The following DPP6 variants were observed in gnomAD, a reference collection of about 807,000 sequenced individuals.
DPP6 encodes the protein A-type potassium channel modulatory protein DPP6.
A neutral mutation model predicts 122.6 loss-of-function variants in DPP6; 69 were observed. The observed-to-expected ratio is 0.56, with a 90% CI of 0.46 to 0.69. The LOEUF (loss-of-function observed/expected upper bound fraction) is 0.69, where lower values mean the gene tolerates loss of function less well. Ranked by LOEUF, DPP6 falls within the 30% of genes least tolerant of loss-of-function variation. The pLI, the probability that DPP6 is intolerant of heterozygous loss-of-function variation, is 0.00. For missense variants in DPP6, 928 were observed against 1,116.9 expected (o/e 0.83, Z 2.41); for synonymous variants, 418 against 433.1 (o/e 0.97, Z 0.43).
chr7:153,903,086 T>G (rs775453143), intron 1 of DPP6, among the ~76,000 whole-genome samples: 12 of 152,154 alleles, frequency 7.9e-5, no homozygotes, highest in Non-Finnish European at 1.6e-4. Flanking sequence ...GTTGACACAA[T>G]TTAGCCAAAA....
intron 1 of DPP6, among the ~76,000 whole-genome samples, chr7:153,888,289 C>T (rs1799029673): frequency 1.3e-5 from 2 of 152,240 alleles, no homozygotes; most frequent in Non-Finnish European, 2.9e-5. Context: ...GGGACGCTGA[C>T]TCCCCCAAAA....
intron 1 of DPP6, among the ~76,000 whole-genome samples, chr7:154,115,552 A>G (rs2150593862): frequency 6.6e-6 from 1 of 152,246 alleles, no homozygotes; most frequent in East Asian, 1.9e-4. Flanking sequence ...CTGCATCTTG[A>G]TTGTCCATGG....
chr7:154,655,846 G>A (rs1187858696), intron 6 of DPP6, among the ~76,000 whole-genome samples: 1 of 152,160 alleles, frequency 6.6e-6, no homozygotes, highest in Non-Finnish European at 1.5e-5. Context: ...TCTCCACTTT[G>A]TCCCTTCAGG....
At chr7:154,678,232 C>G (rs866783087) in intron 7 of DPP6, among the ~76,000 whole-genome samples, 9 of 152,200 alleles carry the variant, frequency 5.9e-5, no homozygotes, top group Non-Finnish European at 8.8e-5. Flanking sequence ...GCCACCGCCG[C>G]CCAACAGCTG....
Position 154,282,478 on chromosome 7 carries a change from G to A in DPP6, c.244-163736G>A, listed in dbSNP as rs542031115. ...TTTAGGACCTCCTTTTGTTCCCTAC[G>A]CCCCTTGGGAGAGTGTGGCACACTG... On this transcript the variant is annotated intron_variant, in intron 1 of 25. Coordinates refer to ENST00000377770, the MANE Select transcript of DPP6 (RefSeq NM_130797.4). The surrounding 1 kb of genome is among the most constrained non-coding windows in gnomAD (Gnocchi z 4.8). 3.5e-4 allele frequency among the ~76,000 whole-genome samples: 54 copies of A among 152,268 alleles called. No homozygotes were observed. Among genetic ancestry groups the A allele is most frequent in the Non-Finnish European group, 7.1e-4 (48 of 68,014 alleles).
At chr7:154,553,902 CAAAAAAAAAAAA>C (rs56020996) in intron 4 of DPP6, among the ~76,000 whole-genome samples, 1 of 103,146 alleles carries the variant, frequency 9.7e-6, no homozygotes, top group Non-Finnish European at 2.0e-5. Flanking sequence ...AGCCTAATGC[CAAAAAAAAAAAA>C]AAAAAAAAAA....
chr7:153,912,305 C>T (rs73163447), intron 1 of DPP6, among the ~76,000 whole-genome samples: 13,576 of 152,152 alleles, frequency 0.089, 757 homozygotes, highest in Middle Eastern at 0.15. Context: ...CTGGAACCGT[C>T]GCAAAGGATG....
intron 10 of DPP6, among the ~76,000 whole-genome samples, chr7:154,791,835 A>C (rs1028141021): frequency 2.6e-5 from 4 of 152,340 alleles, no homozygotes; most frequent in African/African-American, 9.6e-5. Context: ...ATCCAGTGGC[A>C]CTCAGCCTAG....
rs1032382419 is a variant in DPP6, at chr7:154,825,532, C to T, written c.1666+18420C>T. 5.9e-5 allele frequency among the ~76,000 whole-genome samples: 9 copies of T among 152,170 alleles called. 1 individual carries two copies. The highest frequency in any genetic ancestry group is 2.0e-4 in the Admixed American group (3 of 15,276). On this transcript the variant is annotated intron_variant, in intron 16 of 25. Coordinates refer to ENST00000377770, the MANE Select transcript of DPP6 (RefSeq NM_130797.4). ...TTTGGCACCTCAGTGCCTTCGTCAC[C>T]GACGTGAGCATCTGTCCATGTGAGG... is the stretch of plus-strand genomic sequence containing the variant.
At chr7:154,772,364 A>C (rs955962838) in intron 9 of DPP6, among the ~76,000 whole-genome samples, 1 of 152,006 alleles carries the variant, frequency 6.6e-6, no homozygotes, top group Non-Finnish European at 1.5e-5. Context: ...CTCTCCCCAG[A>C]CCCATACTTG....
chr7:154,479,875 T>TCA (rs1433017470), intron 3 of DPP6, among the ~76,000 whole-genome samples: 6 of 152,016 alleles, frequency 3.9e-5, no homozygotes, highest in African/African-American at 1.4e-4. Flanking sequence ...ATTGCAAATC[T>TCA]CACCTTCTCT....
the DPP6 span, among the ~76,000 whole-genome samples, chr7:153,880,974 C>A: frequency 6.6e-6 from 1 of 152,062 alleles, no homozygotes; most frequent in African/African-American, 2.4e-5. Context: ...TTTATGTATA[C>A]CCTTGGAATT....
At chr7:153,836,367 G>T in the DPP6 span, among the ~76,000 whole-genome samples, 3 of 152,286 alleles carry the variant, frequency 2.0e-5, no homozygotes, top group East Asian at 5.8e-4. Flanking sequence ...GGGGGAAGAA[G>T]AGTGCATCCC....
chr7:154,654,585 A>AT (rs1837122820), intron 6 of DPP6, among the ~76,000 whole-genome samples: 1 of 151,426 alleles, frequency 6.6e-6, no homozygotes, highest in African/African-American at 2.4e-5. Context: ...CACCCAGCTA[A>AT]TTTTTTTATT....
At chr7:154,734,503 A>G (rs554409890) in intron 8 of DPP6, among the ~76,000 whole-genome samples, 1 of 152,242 alleles carries the variant, frequency 6.6e-6, no homozygotes, top group East Asian at 1.9e-4. Context: ...TGTTTTTTAA[A>G]TAAGTTATGG....
Position 154,223,980 on chromosome 7 carries a change from G to C in DPP6, c.243+170917G>C, listed in dbSNP as rs1800450301. 2.0e-5 allele frequency among the ~76,000 whole-genome samples: 3 copies of C among 147,508 alleles called. 1 individual carries two copies. The highest frequency in any genetic ancestry group is 7.8e-5 in the African/African-American group (3 of 38,602). On this transcript the variant is annotated intron_variant, in intron 1 of 25. Transcript: ENST00000377770. Reference sequence around the variant, plus strand: ...CACACACTGTCACTGGGAGGACACTGTGGCCCAGACAGGGACACACAGCCT... The same window carrying C: ...CACACACTGTCACTGGGAGGACACTCTGGCCCAGACAGGGACACACAGCCT...
At chr7:154,568,171 G>C (rs1830882478) in intron 5 of DPP6, among the ~76,000 whole-genome samples, 1 of 152,142 alleles carries the variant, frequency 6.6e-6, no homozygotes, top group South Asian at 2.1e-4. Flanking sequence ...TCAGCCTCAG[G>C]CACCTGGATG....
chr7:153,812,154 G>T, the DPP6 span, among the ~76,000 whole-genome samples: 2 of 152,058 alleles, frequency 1.3e-5, no homozygotes, highest in Admixed American at 6.6e-5. Flanking sequence ...AAAGAGCAAC[G>T]GTGATATTGC....
intron 3 of DPP6, among the ~76,000 whole-genome samples, chr7:154,531,729 A>G (rs1423438231): frequency 6.6e-6 from 1 of 152,190 alleles, no homozygotes; most frequent in African/African-American, 2.4e-5. Flanking sequence ...TAATACGTAA[A>G]TTATGTTGAT....
Sources: gnomAD v4.1 joint callset for allele counts (sites outside exome capture counted in the v4.1 genomes callset) on GRCh38, gnomAD v4.1.1 for gene constraint, Gnocchi (gnomAD v3.1) non-coding constraint, MANE v1.5 for transcripts, NCBI Gene and HGNC (gene_info 2026-07-23, HGNC 2026-07-21) for gene names.